Variants in EPB41L2 observed in about 807,000 individuals in gnomAD.
The protein encoded by EPB41L2 is band 4.1-like protein 2.
In EPB41L2, 43 loss-of-function variants were observed where a neutral mutation model predicts 113.0. The ratio of observed to expected loss-of-function variants is 0.38; its 90% CI spans 0.30 to 0.49. The LOEUF (loss-of-function observed/expected upper bound fraction) is 0.49, where lower values mean the gene tolerates loss of function less well. Among genes scored for constraint, EPB41L2 ranks in the 20% least tolerant of loss-of-function variants. The pLI is 0.95. For synonymous variants in EPB41L2, 442 were observed against 436.7 expected (o/e 1.01, Z -0.15); for missense variants, 1,147 against 1,223.4 (o/e 0.94, Z 0.93).
chr6:131,052,459 C>T (rs912595164), intron 1 of EPB41L2, among the ~76,000 whole-genome samples: 1 of 152,122 alleles, frequency 6.6e-6, no homozygotes, highest in East Asian at 1.9e-4. Flanking sequence ...AAAAAGAAAA[C>T]GGAACCAAAA....
chr6:130,988,576 C>T (rs979307634), intron 1 of EPB41L2, among the ~76,000 whole-genome samples: 5 of 152,066 alleles, frequency 3.3e-5, no homozygotes, highest in African/African-American at 9.7e-5. Flanking sequence ...GCAGGGCATC[C>T]GAAGGGGCTG....
intron 18 of EPB41L2, among the ~76,000 whole-genome samples, chr6:130,862,392 G>C (rs1782419923): frequency 6.6e-6 from 1 of 152,110 alleles, no homozygotes; most frequent in Admixed American, 6.5e-5. Flanking sequence ...ACATATTCTA[G>C]GAATTCAATG....
At chr6:130,863,818 C>A in intron 17 of EPB41L2, 100 bp from the exon 18 acceptor site, 1 of 698,810 alleles carries the variant, frequency 1.4e-6, no homozygotes, top group South Asian at 1.8e-5. Context: ...ACCTGTGGAT[C>A]ATTGTAAGGC....
At chr6:131,004,039 A>C (rs1249387099) in intron 1 of EPB41L2, among the ~76,000 whole-genome samples, 1 of 152,226 alleles carries the variant, frequency 6.6e-6, no homozygotes, top group Non-Finnish European at 1.5e-5. Context: ...AATATTGTCA[A>C]GGATCATCCT....
chr6:130,996,760 A>G (rs1783224077), intron 1 of EPB41L2, among the ~76,000 whole-genome samples: 3 of 152,216 alleles, frequency 2.0e-5, no homozygotes, highest in Admixed American at 1.3e-4. Flanking sequence ...CAGACAAGAG[A>G]CTGGAAATGT....
intron 1 of EPB41L2, among the ~76,000 whole-genome samples, chr6:131,048,883 T>G (rs1244357999): frequency 6.6e-6 from 1 of 152,056 alleles, no homozygotes; most frequent in Admixed American, 6.5e-5. Flanking sequence ...CAAACATGGC[T>G]TTAAAAAACC....
At chr6:130,944,048 T>C (rs551781102) in intron 3 of EPB41L2, among the ~76,000 whole-genome samples, 1 of 152,232 alleles carries the variant, frequency 6.6e-6, no homozygotes, top group South Asian at 2.1e-4. Context: ...CAATAAGCCT[T>C]TGAAGTATTT....
intron 14 of EPB41L2, among the ~76,000 whole-genome samples, chr6:130,871,356 C>T (rs957684484): frequency 6.6e-6 from 1 of 152,154 alleles, no homozygotes; most frequent in Non-Finnish European, 1.5e-5. Flanking sequence ...AAAAATAATT[C>T]AGCTAGAGCC....
Position 130,955,961 on chromosome 6 carries a change from T to G in EPB41L2, c.492+33A>C, listed in dbSNP as rs570536828. ...TTTATTATGTGGTTACGCTATCAGG[T>G]TTTCATTTCCAGGCAATTATTCCCA... is the stretch of plus-strand genomic sequence containing the variant. On this transcript the variant is annotated intron_variant, in intron 2 of 19. Transcript: ENST00000337057. The G allele has an allele frequency of 3.9e-5, 61 of 1,584,036 alleles. No individual in the cohort carries two copies. In the African/African-American group the frequency reaches 7.2e-4, roughly 19 times the overall value.
chr6:130,912,725 A>T (rs1799799115), intron 4 of EPB41L2, among the ~76,000 whole-genome samples: 1 of 152,082 alleles, frequency 6.6e-6, no homozygotes, highest in Admixed American at 6.5e-5. Flanking sequence ...TGGCTCACAA[A>T]TGGCCAGCCT....
intron 7 of EPB41L2, 128 bp downstream of exon 7, chr6:130,900,834 G>T: frequency 9.8e-7 from 1 of 1,023,842 alleles, no homozygotes; most frequent in South Asian, 1.5e-5. Flanking sequence ...CTTGATTAGT[G>T]CTAGGTGAAA....
chr6:130,938,274 A>AT (rs1809578565), intron 3 of EPB41L2, among the ~76,000 whole-genome samples: 1 of 152,202 alleles, frequency 6.6e-6, no homozygotes, highest in Non-Finnish European at 1.5e-5. Flanking sequence ...CTCAGTTTTT[A>AT]AACATTGATC....
chr6:131,038,016 A>T (rs1326207843), intron 1 of EPB41L2, among the ~76,000 whole-genome samples: 1 of 152,232 alleles, frequency 6.6e-6, no homozygotes, highest in Non-Finnish European at 1.5e-5. Flanking sequence ...TTGTGTATAT[A>T]CATACAAAAA....
intron 1 of EPB41L2, among the ~76,000 whole-genome samples, chr6:130,961,229 C>T (rs1262776661): frequency 1.3e-5 from 2 of 152,164 alleles, no homozygotes; most frequent in African/African-American, 4.8e-5. Context: ...CTAAAAAGAA[C>T]ACTGCTGTGA....
intron 1 of EPB41L2, among the ~76,000 whole-genome samples, chr6:130,974,819 A>G (rs6908980): frequency 0.48 from 69,636 of 144,644 alleles, 18,018 homozygotes; most frequent in East Asian, 0.92. Context: ...TCTGCCTCCC[A>G]GGTTCAAGTG....
chr6:130,949,695 T>G (rs957329945), intron 3 of EPB41L2, among the ~76,000 whole-genome samples: 29 of 152,056 alleles, frequency 1.9e-4, no homozygotes, highest in Non-Finnish European at 2.9e-5. Flanking sequence ...AAGCACTATA[T>G]AGTTGACTCT....
chr6:130,844,856 A>G (rs570216016), intron 19 of EPB41L2, among the ~76,000 whole-genome samples: 42 of 152,084 alleles, frequency 2.8e-4, no homozygotes, highest in Non-Finnish European at 5.1e-4. Context: ...CAGCCTGGCC[A>G]ACATGGCGAA....
chr6:130,952,933 T>G (rs1018717872), intron 3 of EPB41L2, among the ~76,000 whole-genome samples: 2 of 151,770 alleles, frequency 1.3e-5, no homozygotes, highest in Non-Finnish European at 2.9e-5. Context: ...TTTATGATTT[T>G]TTTTAAAAAA....
intron 1 of EPB41L2, among the ~76,000 whole-genome samples, chr6:131,024,559 A>G (rs991682024): frequency 1.3e-5 from 2 of 152,214 alleles, no homozygotes; most frequent in Non-Finnish European, 2.9e-5. Context: ...GCACACAGTA[A>G]TTTATTTATG....
Sources: allele counts gnomAD v4.1 joint callset (sites outside exome capture counted in the v4.1 genomes callset), GRCh38; gene constraint gnomAD v4.1.1; transcripts MANE v1.5; gene names NCBI Gene and HGNC (gene_info 2026-07-23, HGNC 2026-07-21).